Variants in CNTNAP5 observed in about 807,000 individuals in gnomAD.
CNTNAP5 encodes contactin associated protein family member 5, also known as contactin-associated protein-like 5.
In CNTNAP5, 72 loss-of-function variants were observed where a neutral mutation model predicts 150.2. That is an observed-to-expected ratio of 0.48 (90% confidence interval 0.40 to 0.58). CNTNAP5 has a LOEUF of 0.58. CNTNAP5 is among the 20% of genes least tolerant of loss of function. The probability of loss-of-function intolerance (pLI) is 0.00; values close to 1 mark genes in which losing one functional copy is unlikely to be tolerated. For synonymous variants in CNTNAP5, 672 were observed against 619.8 expected, an observed-to-expected ratio of 1.08 and a Z score of -1.25; for missense variants, 1,636 against 1,626.2, an observed-to-expected ratio of 1.01 and a Z score of -0.10.
chr2:124,394,108 G>C (rs1358943736), intron 3 of CNTNAP5, among the ~76,000 whole-genome samples: 1 of 151,814 alleles, frequency 6.6e-6, no homozygotes, highest in African/African-American at 2.4e-5. Context: ...ACGGTGGCTC[G>C]CAGTTGTAAT....
At chr2:124,855,125 G>A (rs1020914958) in intron 19 of CNTNAP5, among the ~76,000 whole-genome samples, 2 of 145,828 alleles carry the variant, frequency 1.4e-5, no homozygotes, top group African/African-American at 5.0e-5. Flanking sequence ...ATGGTAAGAA[G>A]TTGGACTTTC....
Position 124,629,764 on chromosome 2 carries a change from C to A in CNTNAP5, c.1877-17994C>A, listed in dbSNP as rs995487794. On this transcript the variant is annotated intron_variant, in intron 12 of 23. Transcript: ENST00000682447. ...AAAACCCTTCAAATAATCAATGGAT[C>A]CAGGAGCTGTTTTTTTTTTTTTTTG... 1.4e-4 allele frequency among the ~76,000 whole-genome samples: 19 copies of A among 134,908 alleles called. No homozygotes were observed. In the South Asian group the frequency reaches 4.3e-3, roughly 31 times the overall value. 88.5% of individuals were successfully genotyped at this position (134,908 alleles called of 152,430 possible). A position where few individuals can be genotyped will look rare whatever the true frequency, so the allele number is the denominator to read the frequency against.
At chr2:124,629,843 A>T (rs1420281376) in intron 12 of CNTNAP5, among the ~76,000 whole-genome samples, 2 of 149,594 alleles carry the variant, frequency 1.3e-5, no homozygotes, top group African/African-American at 4.9e-5. Flanking sequence ...AAGAGAGAAG[A>T]TTCAAATAAA....
chr2:124,909,824 G>GATATATATATATATATATAT (rs1203121251), intron 22 of CNTNAP5, among the ~76,000 whole-genome samples: 4 of 29,200 alleles, frequency 1.4e-4, no homozygotes, highest in African/African-American at 3.8e-4. Flanking sequence ...ATCAATTGGT[G>GATATATATATATATATATAT]ACATATATAT....
chr2:124,441,688 T>A (rs942836176), intron 5 of CNTNAP5, among the ~76,000 whole-genome samples: 27 of 152,172 alleles, frequency 1.8e-4, no homozygotes, highest in African/African-American at 6.5e-4. Context: ...AACTCAGATT[T>A]TTTTTTCTCC....
intron 13 of CNTNAP5, among the ~76,000 whole-genome samples, chr2:124,706,746 C>CAAGAAGAAGAGGAAG (rs1679646783): frequency 1.9e-5 from 1 of 52,202 alleles, no homozygotes; most frequent in Non-Finnish European, 3.4e-5. Flanking sequence ...GACTCTGTTT[C>CAAGAAGAAGAGGAAG]AAGAAGAAGA....
intron 3 of CNTNAP5, among the ~76,000 whole-genome samples, chr2:124,400,031 A>G (rs947761723): frequency 6.6e-6 from 1 of 151,994 alleles, no homozygotes; most frequent in East Asian, 1.9e-4. Context: ...GACCAGGAAG[A>G]TCTCCCATTA....
intron 3 of CNTNAP5, among the ~76,000 whole-genome samples, chr2:124,248,528 A>G (rs114066625): frequency 5.9e-5 from 9 of 152,332 alleles, no homozygotes; most frequent in African/African-American, 2.2e-4. Flanking sequence ...GCCAATCAGC[A>G]TTGTGAAAGC....
At position 124,790,074 on chromosome 2, in the gene CNTNAP5, G is replaced by A; in HGVS notation, c.2925G>A (p.Val975=). 6.2e-7 allele frequency: 1 copy of A among 1,613,878 alleles called. No homozygotes were observed. Among genetic ancestry groups the A allele is most frequent in the Non-Finnish European group, 8.5e-7 (1 of 1,179,838 alleles). ...TCTGCCACAACGGGGGCAAGTGTGT[G>A]GAGAAGCACAATGGCTACCTGTGTG... is the stretch of plus-strand genomic sequence containing the variant. ...GSICHNGGKC[V]EKHNGYLCDC... is the part of the protein sequence containing the mutation. The change falls in exon 18 of 24, where the codon GTG becomes GTA. Residue 975 remains valine (V), a synonymous_variant. Transcript: ENST00000682447.
At chr2:124,688,801 A>G (rs1216212032) in intron 13 of CNTNAP5, among the ~76,000 whole-genome samples, 1 of 152,100 alleles carries the variant, frequency 6.6e-6, no homozygotes, top group Non-Finnish European at 1.5e-5. Context: ...AGAGTTAATT[A>G]TTACAGGGTG....
chr2:124,487,703 T>C (rs1693919945), intron 7 of CNTNAP5, among the ~76,000 whole-genome samples: 1 of 152,076 alleles, frequency 6.6e-6, no homozygotes, highest in Non-Finnish European at 1.5e-5. Flanking sequence ...TCATAATGAA[T>C]GCTTTCTCTA....
At chr2:124,134,820 T>C (rs976544373) in intron 1 of CNTNAP5, among the ~76,000 whole-genome samples, 3 of 152,208 alleles carry the variant, frequency 2.0e-5, no homozygotes, top group African/African-American at 4.8e-5. Flanking sequence ...AGAAGAAAGG[T>C]TACATTGTAG....
intron 1 of CNTNAP5, among the ~76,000 whole-genome samples, chr2:124,108,676 T>A (rs1325804936): frequency 6.6e-6 from 1 of 152,232 alleles, no homozygotes; most frequent in Non-Finnish European, 1.5e-5. Flanking sequence ...ATTTAGTCAC[T>A]TAGATAATAT....
chr2:124,839,254 T>C (rs1682892952), intron 19 of CNTNAP5, among the ~76,000 whole-genome samples: 1 of 151,922 alleles, frequency 6.6e-6, no homozygotes, highest in Non-Finnish European at 1.5e-5. Context: ...GGATAAAGTA[T>C]AAAGAGAGTA....
chr2:124,537,186 T>C (rs1695255832), intron 10 of CNTNAP5, among the ~76,000 whole-genome samples: 1 of 152,170 alleles, frequency 6.6e-6, no homozygotes, highest in Admixed American at 6.5e-5. Context: ...ACAGCCTATA[T>C]GTGGTAGAGC....
At chr2:124,344,930 C>T (rs1689701869) in intron 3 of CNTNAP5, among the ~76,000 whole-genome samples, 1 of 152,192 alleles carries the variant, frequency 6.6e-6, no homozygotes, top group African/African-American at 2.4e-5. Context: ...ATGCAACCTA[C>T]ATGGCTACCA....
chr2:124,872,409 T>C (rs935203308), intron 21 of CNTNAP5, among the ~76,000 whole-genome samples: 8 of 144,150 alleles, frequency 5.5e-5, no homozygotes, highest in African/African-American at 1.3e-4. Context: ...TGTGTGTGTG[T>C]GTGTGTGCGT....
In CNTNAP5 at chr2:124,143,636, G is replaced by A. The variant is rs1337579417; in HGVS notation, c.83-78069G>A. Among the ~76,000 whole-genome samples, 7 of 94,792 alleles carry A rather than the reference G, an allele frequency of 7.4e-5. No individual in the cohort carries two copies. The South Asian group carries it at 2.0e-3, about 27-fold the overall frequency. The allele number at this position is 94,792 out of a possible 152,430, so 62.2% of individuals were successfully genotyped here. ...TCAATAAATTAGGTATTGATGGGAC[G>A]TATTTCAAAATAATAAGAGCTATCT... On this transcript the variant is annotated intron_variant, in intron 1 of 23. Transcript: ENST00000682447.
chr2:124,435,476 C>T (rs762671002), intron 5 of CNTNAP5, among the ~76,000 whole-genome samples: 2 of 151,672 alleles, frequency 1.3e-5, no homozygotes, highest in Non-Finnish European at 2.9e-5. Context: ...CAAAAAAACA[C>T]TCTTCTATAG....
Sources: allele counts gnomAD v4.1 joint callset (sites outside exome capture counted in the v4.1 genomes callset), GRCh38; gene constraint gnomAD v4.1.1; transcripts MANE v1.5; gene names NCBI Gene and HGNC (gene_info 2026-07-23, HGNC 2026-07-21).